The following OCA2 variants were observed in gnomAD, a reference collection of about 807,000 sequenced individuals.
OCA2 encodes P protein.
Under a neutral mutation model 100.2 loss-of-function variants are expected in OCA2, and 77 were observed. That is an observed-to-expected ratio of 0.77 (90% CI 0.64 to 0.93). OCA2 has a LOEUF of 0.93. Among genes scored for constraint, OCA2 ranks in the 40% least tolerant of loss-of-function variants. The pLI is 0.00. For synonymous variants in OCA2, 432 were observed against 439.2 expected (o/e 0.98, Z 0.21); for missense variants, 1,062 against 1,089.1 (o/e 0.98, Z 0.35).
At chr15:27,771,406 A>ACAGCC (rs1454496508) in intron 23 of OCA2, among the ~76,000 whole-genome samples, 3 of 142,930 alleles carry the variant, frequency 2.1e-5, no homozygotes, top group Non-Finnish European at 3.1e-5. Flanking sequence ...AAAAAAAAAT[A>ACAGCC]CAGCCGCGCA....
intron 2 of OCA2, among the ~76,000 whole-genome samples, chr15:28,075,249 A>C (rs2044394861): frequency 6.6e-6 from 1 of 152,254 alleles, no homozygotes; most frequent in African/African-American, 2.4e-5. Context: ...AAACTGTCAG[A>C]AGATAATTGG....
At chr15:27,928,643 T>C (rs1392125439) in intron 18 of OCA2, among the ~76,000 whole-genome samples, 1 of 152,168 alleles carries the variant, frequency 6.6e-6, no homozygotes, top group Non-Finnish European at 1.5e-5. Context: ...CCTGTTTCCT[T>C]ACTGGCTGTC....
chr15:27,827,354 A>G (rs2034769314), intron 23 of OCA2, among the ~76,000 whole-genome samples: 1 of 152,216 alleles, frequency 6.6e-6, no homozygotes, highest in South Asian at 2.1e-4. Context: ...GCTTAGGATT[A>G]AGCTGAGTTC....
At chr15:27,762,200 TTC>T (rs1324809243) in intron 23 of OCA2, among the ~76,000 whole-genome samples, 2 of 152,154 alleles carry the variant, frequency 1.3e-5, no homozygotes, top group Non-Finnish European at 2.9e-5. Flanking sequence ...CCTCCCATCT[TTC>T]TGAGTCTACA....
intron 23 of OCA2, among the ~76,000 whole-genome samples, chr15:27,775,968 C>T (rs2032187589): frequency 6.6e-6 from 1 of 152,236 alleles, no homozygotes. Context: ...TAGTCCATAG[C>T]AATGTCCAGC....
chr15:28,068,603 T>C (rs2044096912), intron 2 of OCA2, among the ~76,000 whole-genome samples: 1 of 152,230 alleles, frequency 6.6e-6, no homozygotes, highest in Admixed American at 6.5e-5. Flanking sequence ...TAAGCCAGCA[T>C]CAGCCTGATA....
chr15:28,018,497 A>G lies in OCA2; in HGVS notation c.707T>C (p.Leu236Pro), dbSNP rs753597266. 2 of 1,613,672 alleles carry G rather than the reference A, an allele frequency of 1.2e-6. No individual in the cohort carries two copies. The highest frequency in any genetic ancestry group is 8.5e-7 in the Non-Finnish European group (1 of 1,179,908). ...TLLQVDLAGA[L>P]VASGPSRPGR... is the part of the protein sequence containing the mutation. ...AGGACGACTCGGCCCACTGGCCACT[A>G]GGGCCCCTGCCAGGTCCACCTGCAG... Residue 236 changes from leucine (L) to proline (P), a missense_variant, in exon 7 of 24, where the codon CTA (leucine) becomes CCA (proline). Coordinates refer to ENST00000354638, the MANE Select transcript of OCA2 (RefSeq NM_000275.3).
chr15:27,971,273 G>A (rs577007082), intron 14 of OCA2, among the ~76,000 whole-genome samples: 2 of 152,288 alleles, frequency 1.3e-5, no homozygotes, highest in South Asian at 4.1e-4. Flanking sequence ...GGGGCATGAA[G>A]GGAAACCTGT....
intron 5 of OCA2, 94 bp downstream of exon 5, chr15:28,024,751 A>C: frequency 7.8e-7 from 1 of 1,290,176 alleles, no homozygotes; most frequent in Non-Finnish European, 1.1e-6. Flanking sequence ...CCAGGCACTG[A>C]GCCCCACACC....
At chr15:27,934,651 A>T (rs1295827016) in intron 18 of OCA2, among the ~76,000 whole-genome samples, 2 of 152,214 alleles carry the variant, frequency 1.3e-5, no homozygotes, top group African/African-American at 4.8e-5. Context: ...GAGAAATTTC[A>T]GTCATGACAA....
chr15:27,725,549 C>G, the OCA2 span, among the ~76,000 whole-genome samples: 1 of 152,206 alleles, frequency 6.6e-6, no homozygotes, highest in Non-Finnish European at 1.5e-5. Flanking sequence ...GCCTGGGCAA[C>G]AAGAGTGAGA....
In OCA2 at chr15:28,027,959, C is replaced by A; in HGVS notation, c.427G>T (p.Glu143Ter). The change falls in exon 4 of 24, where the codon GAG becomes TAG. Residue 143 changes from glutamate to a stop codon, truncating the protein, a stop_gained. Coordinates refer to ENST00000354638, the MANE Select transcript of OCA2 (RefSeq NM_000275.3). LOFTEE classifies it high-confidence loss of function. ...DWERRYLLSR[E>*]VSGLSASASS... ...GCAGATGCAGACAGACCAGACACCT[C>A]CCTGCTTAGCAGGTATCTTCGCTCC... 1.9e-6 allele frequency: 3 copies of A among 1,614,196 alleles called. No homozygotes were observed. The highest frequency in any genetic ancestry group is 2.5e-6 in the Non-Finnish European group (3 of 1,180,050).
At chr15:28,006,980 C>G (rs571852002) in intron 9 of OCA2, among the ~76,000 whole-genome samples, 16 of 152,140 alleles carry the variant, frequency 1.1e-4, no homozygotes, top group African/African-American at 3.9e-4. Context: ...TCATCTCCCT[C>G]GAATTTAATT....
At position 27,951,856 on chromosome 15, in the gene OCA2, G is replaced by A. The variant is rs1192944752; in HGVS notation, c.1879C>T (p.Leu627=). 1.9e-6 allele frequency: 3 copies of A among 1,613,924 alleles called. No individual in the cohort carries two copies. The highest frequency in any genetic ancestry group is 3.3e-4 in the Middle Eastern group (2 of 6,084). ...AAGATAACAAATCCCAACACTGTCA[G>A]GCATTTGGCGAGCAGAATCCCGTCA... ...ISDGILLAKC[L]TVLGFVIFMF... The change falls in exon 18 of 24, where the codon CTG becomes TTG. Residue 627 remains leucine (L), a synonymous_variant. Transcript: ENST00000354638.
At chr15:27,810,426 C>T (rs767438179) in intron 23 of OCA2, among the ~76,000 whole-genome samples, 3 of 152,208 alleles carry the variant, frequency 2.0e-5, no homozygotes, top group Non-Finnish European at 4.4e-5. Flanking sequence ...CTTGGGAAAG[C>T]TCTTCTGGAC....
intron 2 of OCA2, among the ~76,000 whole-genome samples, chr15:28,055,575 A>AT (rs1237673084): frequency 6.6e-6 from 1 of 152,032 alleles, no homozygotes; most frequent in Non-Finnish European, 1.5e-5. Flanking sequence ...TCTTCCTTAC[A>AT]TTTTCCAAGG....
intron 21 of OCA2, among the ~76,000 whole-genome samples, chr15:27,857,696 A>ACAC (rs1488765941): frequency 6.6e-6 from 1 of 152,206 alleles, no homozygotes; most frequent in South Asian, 2.1e-4. Context: ...GACCTGTGGG[A>ACAC]CACCATCAAA....
chr15:27,792,176 A>G (rs1459854581), intron 23 of OCA2, among the ~76,000 whole-genome samples: 1 of 152,238 alleles, frequency 6.6e-6, no homozygotes, highest in African/African-American at 2.4e-5. Flanking sequence ...ATATGGGCTT[A>G]AAGTAGAGGA....
chr15:27,747,258 C>T, the OCA2 span, among the ~76,000 whole-genome samples: 1 of 152,164 alleles, frequency 6.6e-6, no homozygotes, highest in Non-Finnish European at 1.5e-5. Context: ...GGCATGGTGA[C>T]ATGGGAAGAA....
Sources: gnomAD v4.1 joint callset for allele counts (sites outside exome capture counted in the v4.1 genomes callset) on GRCh38, gnomAD v4.1.1 for gene constraint, MANE v1.5 for transcripts, NCBI Gene and HGNC (gene_info 2026-07-23, HGNC 2026-07-21) for gene names.